The following NOSTRIN variants were observed in gnomAD, a reference collection of about 807,000 sequenced individuals.
NOSTRIN encodes the protein BM247 homolog.
Under a neutral mutation model 59.0 loss-of-function variants are expected in NOSTRIN, and 63 were observed. The ratio of observed to expected loss-of-function variants is 1.07; its 90% CI spans 0.87 to 1.32. The LOEUF is 1.32. Ranked by LOEUF, NOSTRIN falls within the 40% of genes most tolerant of loss-of-function variation. The pLI is 0.00. For synonymous variants in NOSTRIN, 200 were observed against 165.4 expected, an observed-to-expected ratio of 1.21 and a Z score of -1.61; for missense variants, 512 against 473.1, an observed-to-expected ratio of 1.08 and a Z score of -0.76.
intron 2 of NOSTRIN, among the ~76,000 whole-genome samples, chr2:168,789,608 C>T (rs1685294726): frequency 6.6e-6 from 1 of 152,092 alleles, no homozygotes; most frequent in South Asian, 2.1e-4. Context: ...CTGGAGTGTG[C>T]CTCCTATTGA....
intron 10 of NOSTRIN, among the ~76,000 whole-genome samples, chr2:168,854,264 C>A (rs1688946121): frequency 6.6e-6 from 1 of 152,198 alleles, no homozygotes. Flanking sequence ...TCCCTTTGCT[C>A]TAAATCCTCA....
At chr2:168,854,604 A>G (rs1559139126) in intron 10 of NOSTRIN, among the ~76,000 whole-genome samples, 1 of 151,780 alleles carries the variant, frequency 6.6e-6, no homozygotes, top group Non-Finnish European at 1.5e-5. Context: ...TTCTTCCCCT[A>G]TTTTTTTGCT....
intron 1 of NOSTRIN, among the ~76,000 whole-genome samples, chr2:168,804,994 G>C (rs1685774842): frequency 2.0e-5 from 3 of 152,080 alleles, no homozygotes. Context: ...ATGTAATTTA[G>C]TATGTTAATA....
chr2:168,801,225 TC>T (rs1488817703), upstream of NOSTRIN: 1 of 150,112 alleles, frequency 6.7e-6, no homozygotes, highest in Non-Finnish European at 1.5e-5. Flanking sequence ...TCCTTAATTG[TC>T]CCCTGACTCT....
intron 11 of NOSTRIN, chr2:168,855,824 G>T: frequency 2.3e-6 from 1 of 442,826 alleles, no homozygotes; most frequent in Admixed American, 2.7e-5. Context: ...TGAGTTTTTT[G>T]GTTTGTTTCT....
chr2:168,792,386 T>A lies in NOSTRIN; in HGVS notation c.-473+4338T>A, dbSNP rs545734336. ...GTTTGGTGTAGTCATGTGAGTTTTG[T>A]AAGTTTTTGAATTAGAATAGTTTTA... is the stretch of plus-strand genomic sequence containing the variant. On this transcript the variant is annotated intron_variant, in intron 2 of 20. Transcript: ENST00000458381. Among the ~76,000 whole-genome samples the A allele has an allele frequency of 8.5e-5, 13 of 152,268 alleles. No individual in the cohort carries two copies. The South Asian group carries it at 2.5e-3, about 29-fold the overall frequency.
intron 12 of NOSTRIN, among the ~76,000 whole-genome samples, chr2:168,858,418 T>C (rs923603112): frequency 6.6e-6 from 1 of 152,258 alleles, no homozygotes; most frequent in Non-Finnish European, 1.5e-5. Context: ...AGGAAACTTT[T>C]ATTTACATTC....
upstream of NOSTRIN, among the ~76,000 whole-genome samples, chr2:168,801,878 A>G (rs1210134114): frequency 6.6e-6 from 1 of 152,172 alleles, no homozygotes; most frequent in Non-Finnish European, 1.5e-5. Flanking sequence ...TTTTCTTTAC[A>G]TTGAAAGCTT....
intron 5 of NOSTRIN, among the ~76,000 whole-genome samples, chr2:168,828,864 T>C (rs1687202251): frequency 6.6e-6 from 1 of 152,024 alleles, no homozygotes; most frequent in Non-Finnish European, 1.5e-5. Flanking sequence ...TAAAGCAGAA[T>C]GAAAAAGTCT....
intron 2 of NOSTRIN, among the ~76,000 whole-genome samples, chr2:168,792,915 C>G (rs1685393020): frequency 6.6e-6 from 1 of 152,170 alleles, no homozygotes; most frequent in Non-Finnish European, 1.5e-5. Context: ...TAACAGGAAA[C>G]TGAAACTCAA....
At chr2:168,793,146 A>T (rs79158722) in intron 2 of NOSTRIN, among the ~76,000 whole-genome samples, 2,179 of 152,220 alleles carry the variant, frequency 0.014, 54 homozygotes, top group African/African-American at 0.05. Context: ...TCCATCACCC[A>T]GTCTTGCTGG....
At chr2:168,796,418 C>T (rs16855894), upstream of NOSTRIN, among the ~76,000 whole-genome samples, 1 of 152,210 alleles carries the variant, frequency 6.6e-6, no homozygotes, top group East Asian at 1.9e-4. Context: ...CTAAGTACTC[C>T]TGCTCACTTG....
At chr2:168,829,259 T>G (rs1158678522) in intron 5 of NOSTRIN, among the ~76,000 whole-genome samples, 1 of 152,006 alleles carries the variant, frequency 6.6e-6, no homozygotes, top group Non-Finnish European at 1.5e-5. Flanking sequence ...TTTTCTTTCT[T>G]TCCTTCCCTC....
chr2:168,856,040 A>G (rs1689081242), intron 11 of NOSTRIN: 1 of 291,184 alleles, frequency 3.4e-6, no homozygotes, highest in Non-Finnish European at 6.8e-6. Context: ...TTCAAGATAG[A>G]AAACATTTAG....
intron 7 of NOSTRIN, among the ~76,000 whole-genome samples, chr2:168,835,239 T>A (rs903048605): frequency 1.3e-5 from 2 of 150,874 alleles, no homozygotes; most frequent in Non-Finnish European, 2.9e-5. Flanking sequence ...CATGCTCGGC[T>A]AATTTTTTTT....
At chr2:168,808,503 C>T (rs867489935) in intron 1 of NOSTRIN, among the ~76,000 whole-genome samples, 2 of 152,344 alleles carry the variant, frequency 1.3e-5, no homozygotes, top group Middle Eastern at 3.4e-3. Flanking sequence ...CGTAAACATG[C>T]ATCCAGGTCT....
chr2:168,811,498 T>C, intron 1 of NOSTRIN, 69 bp from the exon 2 acceptor site: 1 of 614,320 alleles, frequency 1.6e-6, no homozygotes, highest in Non-Finnish European at 2.9e-6. Flanking sequence ...AATTTATAGG[T>C]GCTCTATCTT....
chr2:168,819,357 G>A (rs547322921), intron 2 of NOSTRIN, among the ~76,000 whole-genome samples: 16 of 152,344 alleles, frequency 1.1e-4, no homozygotes, highest in African/African-American at 2.6e-4. Context: ...CGGAAGCATG[G>A]AAGAGCCGTG....
upstream of NOSTRIN, among the ~76,000 whole-genome samples, chr2:168,794,588 T>G (rs1271413955): frequency 1.3e-5 from 2 of 152,248 alleles, no homozygotes; most frequent in Non-Finnish European, 2.9e-5. Context: ...CCTGACCTTG[T>G]GATCCACCTG....
Sources: allele counts gnomAD v4.1 joint callset (sites outside exome capture counted in the v4.1 genomes callset), GRCh38; gene constraint gnomAD v4.1.1; transcripts MANE v1.5; gene names NCBI Gene and HGNC (gene_info 2026-07-23, HGNC 2026-07-21).